The following SEMA6D variants were observed in gnomAD, a reference collection of about 807,000 sequenced individuals.
The protein encoded by SEMA6D is semaphorin-6D.
SEMA6D carries 35 observed loss-of-function variants against 106.6 expected under a neutral mutation model. That is an observed-to-expected ratio of 0.33 (90% CI 0.25 to 0.44). The LOEUF (loss-of-function observed/expected upper bound fraction) is 0.44. Ranked by LOEUF, SEMA6D falls within the 20% of genes least tolerant of loss-of-function variation. The pLI is 1.00. For missense variants in SEMA6D, 1,185 were observed against 1,345.9 expected, an observed-to-expected ratio of 0.88 and a Z score of 1.87; for synonymous variants, 499 against 487.7, an observed-to-expected ratio of 1.02 and a Z score of -0.31.
intron 1 of SEMA6D, among the ~76,000 whole-genome samples, chr15:47,348,439 A>G (rs1334805196): frequency 1.3e-5 from 2 of 152,132 alleles, no homozygotes; most frequent in Non-Finnish European, 2.9e-5. Flanking sequence ...GGCTATTTTT[A>G]TTACTGTTGC....
At chr15:47,284,331 G>A (rs1313802918) in intron 1 of SEMA6D, among the ~76,000 whole-genome samples, 1 of 152,190 alleles carries the variant, frequency 6.6e-6, no homozygotes. Flanking sequence ...AAGTGTAATA[G>A]AAAGAACACT....
intron 4 of SEMA6D, chr15:47,603,984 C>T (rs1234168426): frequency 1.3e-5 from 2 of 152,090 alleles, no homozygotes; most frequent in Non-Finnish European, 2.9e-5. Flanking sequence ...TGTTTTCCTC[C>T]CATGACTGCA....
At chr15:47,392,765 C>T (rs1242230741) in intron 1 of SEMA6D, among the ~76,000 whole-genome samples, 1 of 152,156 alleles carries the variant, frequency 6.6e-6, no homozygotes, top group Non-Finnish European at 1.5e-5. Context: ...GAATGTAATA[C>T]AGATGCTCTA....
intron 1 of SEMA6D, among the ~76,000 whole-genome samples, chr15:47,357,223 A>C (rs1310217876): frequency 6.6e-6 from 1 of 151,912 alleles, no homozygotes; most frequent in African/African-American, 2.4e-5. Flanking sequence ...AGTCCCAGCT[A>C]CTCGGGAGGC....
chr15:47,515,278 G>A (rs1413150136), intron 3 of SEMA6D, among the ~76,000 whole-genome samples: 1 of 152,056 alleles, frequency 6.6e-6, no homozygotes, highest in Non-Finnish European at 1.5e-5. Flanking sequence ...CTTGCTCCAC[G>A]TACCTAATCT....
intron 1 of SEMA6D, among the ~76,000 whole-genome samples, chr15:47,726,843 C>T (rs2079789091): frequency 6.6e-6 from 1 of 152,238 alleles, no homozygotes; most frequent in Admixed American, 6.5e-5. Flanking sequence ...TGTCTTTTCA[C>T]ATGTGATTTT....
chr15:47,352,307 A>C (rs2144830376), intron 1 of SEMA6D, among the ~76,000 whole-genome samples: 1 of 152,324 alleles, frequency 6.6e-6, no homozygotes, highest in East Asian at 1.9e-4. Flanking sequence ...GAATTGACAA[A>C]GACTCAATAT....
intron 4 of SEMA6D, among the ~76,000 whole-genome samples, chr15:47,636,214 G>A (rs897328463): frequency 5.9e-5 from 9 of 152,056 alleles, no homozygotes; most frequent in East Asian, 1.9e-4. Flanking sequence ...ATTGAACTAC[G>A]AAAATACAAA....
intron 4 of SEMA6D, among the ~76,000 whole-genome samples, chr15:47,613,815 C>T (rs2076957039): frequency 6.6e-6 from 1 of 152,040 alleles, no homozygotes; most frequent in Non-Finnish European, 1.5e-5. Flanking sequence ...CCACCACGCC[C>T]AGCTAATTTT....
intron 1 of SEMA6D, among the ~76,000 whole-genome samples, chr15:47,274,030 G>C (rs375575455): frequency 5.9e-5 from 9 of 152,008 alleles, no homozygotes; most frequent in Non-Finnish European, 1.0e-4. Context: ...GGACCTAAAG[G>C]CTTCAGAGAA....
At chr15:47,627,944 A>T (rs750081857) in intron 4 of SEMA6D, among the ~76,000 whole-genome samples, 3 of 152,132 alleles carry the variant, frequency 2.0e-5, no homozygotes, top group Non-Finnish European at 2.9e-5. Context: ...ATAGTAAGTA[A>T]CTTTTTGAAA....
intron 1 of SEMA6D, among the ~76,000 whole-genome samples, chr15:47,213,360 T>G (rs958336010): frequency 1.6e-4 from 24 of 152,198 alleles, no homozygotes; most frequent in African/African-American, 5.5e-4. Context: ...AATCATAACC[T>G]AAATTGAAAT....
chr15:47,550,880 G>C (rs1337531421), intron 3 of SEMA6D, among the ~76,000 whole-genome samples: 3 of 152,118 alleles, frequency 2.0e-5, no homozygotes, highest in Non-Finnish European at 4.4e-5. Flanking sequence ...CCAACTTGGG[G>C]CAAAATTCGA....
chr15:47,253,204 G>A (rs1343066705), intron 1 of SEMA6D, among the ~76,000 whole-genome samples: 3 of 152,068 alleles, frequency 2.0e-5, no homozygotes, highest in African/African-American at 7.2e-5. Context: ...TTTACCTAGC[G>A]ATCAGTGATT....
rs116070070 is a variant in SEMA6D at position 47,450,745 on chromosome 15, A to G, written c.-158-19729A>G. Among the ~76,000 whole-genome samples, 1,430 of 152,220 alleles carry G rather than the reference A, an allele frequency of 9.4e-3. 23 individuals carry two copies. The highest frequency in any genetic ancestry group is 0.033 in the African/African-American group (1,371 of 41,570). ...CTAGAATATTGAGCACAAAGGTACA[A>G]TCTGGTCCCTTCTCATTTGAAATAT... is the stretch of plus-strand genomic sequence containing the variant. On this transcript the variant is annotated intron_variant, in intron 2 of 19. Coordinates refer to the SEMA6D transcript ENST00000558014.
intron 1 of SEMA6D, among the ~76,000 whole-genome samples, chr15:47,345,728 C>T (rs553835536): frequency 8.5e-5 from 13 of 152,146 alleles, no homozygotes; most frequent in African/African-American, 2.4e-4. Context: ...GTTAAAGAAG[C>T]CACAGCAAAA....
intron 3 of SEMA6D, among the ~76,000 whole-genome samples, chr15:47,595,725 A>G (rs972669976): frequency 3.3e-5 from 5 of 152,010 alleles, no homozygotes; most frequent in Admixed American, 2.0e-4. Flanking sequence ...ATGGGAGAAA[A>G]TTTTATTGTT....
At chr15:47,752,154 G>C (rs559382172) in intron 1 of SEMA6D, among the ~76,000 whole-genome samples, 5 of 152,356 alleles carry the variant, frequency 3.3e-5, no homozygotes, top group African/African-American at 1.2e-4. Flanking sequence ...GGAGGATTAT[G>C]AGATGCCATG....
At chr15:47,253,671 A>G (rs1022528000) in intron 1 of SEMA6D, among the ~76,000 whole-genome samples, 5 of 151,834 alleles carry the variant, frequency 3.3e-5, no homozygotes, top group Non-Finnish European at 5.9e-5. Flanking sequence ...TTGGCTGTGG[A>G]TTTGTTTCTG....
Sources: gnomAD v4.1 joint callset for allele counts (sites outside exome capture counted in the v4.1 genomes callset) on GRCh38, gnomAD v4.1.1 for gene constraint, MANE v1.5 for transcripts, NCBI Gene and HGNC (gene_info 2026-07-23, HGNC 2026-07-21) for gene names.